The following PRKD3 variants were observed in gnomAD, a reference collection of about 807,000 sequenced individuals.
PRKD3 encodes serine/threonine-protein kinase D3.
PRKD3 carries 47 observed loss-of-function variants against 99.2 expected under a neutral mutation model. The ratio of observed to expected loss-of-function variants is 0.47; its 90% CI spans 0.38 to 0.60. The LOEUF is 0.60. PRKD3 is among the 20% of genes least tolerant of loss of function. PRKD3 has a pLI of 0.00. For synonymous variants in PRKD3, 392 were observed against 355.4 expected, an observed-to-expected ratio of 1.10 and a Z score of -1.16; for missense variants, 1,019 against 1,088.4, an observed-to-expected ratio of 0.94 and a Z score of 0.90.
intron 2 of PRKD3, among the ~76,000 whole-genome samples, chr2:37,311,027 T>G (rs1671402261): frequency 2.0e-5 from 3 of 152,082 alleles, no homozygotes; most frequent in Non-Finnish European, 4.4e-5. Context: ...GGAAGCAGAA[T>G]CACAAAACTT....
chr2:37,286,912 C>T (rs1670120672), intron 5 of PRKD3, among the ~76,000 whole-genome samples: 1 of 152,142 alleles, frequency 6.6e-6, no homozygotes, highest in Middle Eastern at 3.4e-3. Flanking sequence ...GGAGACTATT[C>T]CAGAACCTAG....
chr2:37,289,607 T>C (rs1670300499), intron 4 of PRKD3, 94 bp from the exon 5 acceptor site: 2 of 1,076,658 alleles, frequency 1.9e-6, no homozygotes, highest in Non-Finnish European at 2.6e-6. Flanking sequence ...TTATTTAACA[T>C]ATTTTCTGTT....
chr2:37,305,686 C>T (rs1334875211), intron 2 of PRKD3, among the ~76,000 whole-genome samples: 2 of 152,088 alleles, frequency 1.3e-5, no homozygotes, highest in Non-Finnish European at 1.5e-5. Context: ...TTTTTTTATA[C>T]GTTAAATGCT....
intron 10 of PRKD3, among the ~76,000 whole-genome samples, chr2:37,275,190 CAA>C (rs35852116): frequency 1.9e-3 from 279 of 145,878 alleles, no homozygotes; most frequent in Non-Finnish European, 3.0e-3. Flanking sequence ...CTTCCTAAGG[CAA>C]AAAAAAAAAC....
intron 2 of PRKD3, among the ~76,000 whole-genome samples, chr2:37,311,075 T>C: frequency 6.6e-6 from 1 of 152,120 alleles, no homozygotes; most frequent in East Asian, 1.9e-4. Flanking sequence ...ACTCTATATG[T>C]GCATAAAGAG....
intron 2 of PRKD3, among the ~76,000 whole-genome samples, chr2:37,299,126 C>CA (rs1270750294): frequency 6.6e-6 from 1 of 152,060 alleles, no homozygotes. Flanking sequence ...CAGTTTTTAT[C>CA]ACGAAGTTTT....
At chr2:37,278,322 AAG>A (rs1669673220) in intron 8 of PRKD3, 1 of 169,256 alleles carries the variant, frequency 5.9e-6, no homozygotes, top group Non-Finnish European at 1.3e-5. Flanking sequence ...CTTGCTGTTG[AAG>A]AGTTTTCCTG....
intron 13 of PRKD3, chr2:37,268,304 G>C (rs751545220): frequency 2.1e-6 from 1 of 470,858 alleles, no homozygotes; most frequent in Non-Finnish European, 4.4e-6. Context: ...AAGGTACCTC[G>C]GACAGTTCTT....
intron 13 of PRKD3, chr2:37,269,374 C>T: frequency 2.0e-6 from 1 of 495,478 alleles, no homozygotes. Context: ...GTGTGAGCTA[C>T]AAGAAGAGAT....
intron 4 of PRKD3, among the ~76,000 whole-genome samples, chr2:37,290,016 C>G (rs1670323449): frequency 6.6e-6 from 1 of 152,178 alleles, no homozygotes; most frequent in African/African-American, 2.4e-5. Flanking sequence ...TACATATTGT[C>G]TATGATTGGT....
At position 37,310,446 on chromosome 2, in the gene PRKD3, A is replaced by C. The variant is rs149668197; in HGVS notation, c.288+5791T>G. On this transcript the variant is annotated intron_variant, in intron 2 of 18. Coordinates refer to ENST00000234179, the MANE Select transcript of PRKD3 (RefSeq NM_005813.6). ...TCAGACAAGGAATCAAGATTACACA[A>C]CTAATAAGTGGTAGAAATGAACTCC... 5.3e-4 allele frequency among the ~76,000 whole-genome samples: 80 copies of C among 152,336 alleles called. 1 individual carries two copies. The highest frequency in any genetic ancestry group is 3.4e-3 in the Middle Eastern group (1 of 294).
At chr2:37,312,595 A>G (rs1235930890) in intron 2 of PRKD3, among the ~76,000 whole-genome samples, 2 of 152,212 alleles carry the variant, frequency 1.3e-5, no homozygotes, top group Non-Finnish European at 2.9e-5. Flanking sequence ...TCTTCTGTTT[A>G]AAATGGCTCC....
intron 2 of PRKD3, among the ~76,000 whole-genome samples, chr2:37,298,698 A>G (rs1468493444): frequency 6.6e-6 from 1 of 152,050 alleles, no homozygotes; most frequent in South Asian, 2.1e-4. Flanking sequence ...TGTAAATGGG[A>G]TAATTTTCTT....
intron 2 of PRKD3, among the ~76,000 whole-genome samples, chr2:37,300,367 G>A (rs887972424): frequency 2.0e-5 from 3 of 152,088 alleles, no homozygotes; most frequent in Non-Finnish European, 4.4e-5. Flanking sequence ...GACTACCAGA[G>A]GCTCTGAAGG....
chr2:37,263,702 G>C lies in PRKD3; in HGVS notation c.1885-3318C>G, dbSNP rs547530389. On this transcript the variant is annotated intron_variant, in intron 14 of 18. Coordinates refer to ENST00000234179, the MANE Select transcript of PRKD3 (RefSeq NM_005813.6). The stretch of plus-strand genomic sequence containing the variant: ...TTTTTGTTTGGAGAAGGGACCTTTG[G>C]AGGACATAAGGGCTGCAGATTTCAG... 5.3e-5 allele frequency among the ~76,000 whole-genome samples: 8 copies of C among 152,274 alleles called. No individual in the cohort carries two copies. In the South Asian group the frequency reaches 1.7e-3, roughly 32 times the overall value.
rs1671618048 is a variant in PRKD3 at position 37,315,501 on chromosome 2, T to C, written c.288+736A>G. On this transcript the variant is annotated intron_variant, in intron 2 of 18. Transcript: ENST00000234179. ...CAAGATCTAAAGAGAAGGAAATGGA[T>C]AAAAAAAAGAGGGGCCAGAACACAG... 5.3e-5 allele frequency among the ~76,000 whole-genome samples: 8 copies of C among 151,830 alleles called. No homozygotes were observed. In the South Asian group the frequency reaches 1.5e-3, roughly 28 times the overall value.
chr2:37,288,120 T>C (rs937398149), intron 5 of PRKD3, among the ~76,000 whole-genome samples: 8 of 152,244 alleles, frequency 5.3e-5, no homozygotes, highest in African/African-American at 1.7e-4. Flanking sequence ...GTCCTTCTGC[T>C]ATTTCCTAAT....
intron 1 of PRKD3, among the ~76,000 whole-genome samples, chr2:37,322,799 A>G (rs529600367): frequency 6.6e-6 from 1 of 152,364 alleles, no homozygotes; most frequent in South Asian, 2.1e-4. Context: ...TGAATTACAT[A>G]ATCAGCGAGA....
chr2:37,282,676 T>C, intron 6 of PRKD3, 57 bp from the exon 7 acceptor site: 2 of 1,164,180 alleles, frequency 1.7e-6, no homozygotes, highest in Middle Eastern at 1.9e-4. Context: ...GTATCAGATA[T>C]GGTTAGACTT....
Sources: gnomAD v4.1 joint callset for allele counts (sites outside exome capture counted in the v4.1 genomes callset) on GRCh38, gnomAD v4.1.1 for gene constraint, MANE v1.5 for transcripts, NCBI Gene and HGNC (gene_info 2026-07-23, HGNC 2026-07-21) for gene names.